Variants in CADM2 observed in about 807,000 individuals in gnomAD.
CADM2 encodes the protein cell adhesion molecule 2.
In CADM2, 12 loss-of-function variants were observed where a neutral mutation model predicts 49.8. The observed-to-expected ratio is 0.24, with a 90% CI of 0.15 to 0.39. CADM2 has a LOEUF of 0.39. Among genes scored for constraint, CADM2 ranks in the 10% least tolerant of loss-of-function variants. The pLI, the probability that CADM2 is intolerant of heterozygous loss-of-function variation, is 1.00. For missense variants in CADM2, 378 were observed against 492.3 expected (o/e 0.77, Z 2.20); for synonymous variants, 214 against 175.4 (o/e 1.22, Z -1.74).
chr3:85,284,712 A>C (rs1559758776), intron 1 of CADM2, among the ~76,000 whole-genome samples: 1 of 152,066 alleles, frequency 6.6e-6, no homozygotes, highest in South Asian at 2.1e-4. Context: ...TGAGGAAAAA[A>C]GGTAGGAATC....
rs188606572 is a variant in CADM2, at chr3:85,215,562, G to A, written c.61+255894G>A. Among the ~76,000 whole-genome samples, 661 of 151,946 alleles carry A rather than the reference G, an allele frequency of 4.4e-3. 4 individuals carry two copies. Among genetic ancestry groups the A allele is most frequent in the Middle Eastern group, 0.017 (5 of 294 alleles). On this transcript the variant is annotated intron_variant, in intron 1 of 9. Coordinates refer to ENST00000383699, the MANE Select transcript of CADM2 (RefSeq NM_001167675.2). The stretch of plus-strand genomic sequence containing the variant: ...TGGGGTTGGCGGAGAGGTAACACAA[G>A]CACTCCCTTAACCACCCAAGCTGGT...
chr3:84,995,884 T>A (rs1183859056), intron 1 of CADM2, among the ~76,000 whole-genome samples: 1 of 152,148 alleles, frequency 6.6e-6, no homozygotes. Flanking sequence ...CCTGATGGGA[T>A]TTCTGATATT....
chr3:85,413,004 G>C (rs1337170093), intron 1 of CADM2, among the ~76,000 whole-genome samples: 1 of 151,314 alleles, frequency 6.6e-6, no homozygotes, highest in Non-Finnish European at 1.5e-5. Flanking sequence ...AGCCAGGCGA[G>C]GTGGCGGGCG....
intron 1 of CADM2, among the ~76,000 whole-genome samples, chr3:85,247,461 G>A (rs1489729142): frequency 6.6e-6 from 1 of 152,120 alleles, no homozygotes; most frequent in Non-Finnish European, 1.5e-5. Context: ...AGGACTCTTA[G>A]AGTTTGTTCT....
In CADM2 at chr3:85,742,814, T is replaced by G. The variant is rs182784733; in HGVS notation, c.88+16266T>G. Among the ~76,000 whole-genome samples the G allele has an allele frequency of 2.8e-3, 419 of 152,310 alleles. 1 individual carries two copies. The highest frequency in any genetic ancestry group is 4.5e-3 in the Non-Finnish European group (303 of 68,022). On this transcript the variant is annotated intron_variant, in intron 2 of 9. Coordinates refer to ENST00000383699, the MANE Select transcript of CADM2 (RefSeq NM_001167675.2). Reference sequence around the variant, plus strand: ...CATCTCTAGGACACAAATAAAACTTTCCAGTGGAGCTTGCTGGAGCACTTC... The same window carrying G: ...CATCTCTAGGACACAAATAAAACTTGCCAGTGGAGCTTGCTGGAGCACTTC...
chr3:85,341,317 T>C (rs1388762102), intron 1 of CADM2, among the ~76,000 whole-genome samples: 1 of 151,906 alleles, frequency 6.6e-6, no homozygotes, highest in African/African-American at 2.4e-5. Flanking sequence ...TAAATGATAT[T>C]GTTAAACTTG....
intron 1 of CADM2, among the ~76,000 whole-genome samples, chr3:85,666,654 TAGAG>T (rs2065577671): frequency 6.6e-6 from 1 of 151,994 alleles, no homozygotes; most frequent in African/African-American, 2.4e-5. Flanking sequence ...GAGGGGAACT[TAGAG>T]AGGCCTGTTT....
At chr3:85,692,775 A>G (rs2066425396) in intron 1 of CADM2, among the ~76,000 whole-genome samples, 1 of 152,212 alleles carries the variant, frequency 6.6e-6, no homozygotes, top group Non-Finnish European at 1.5e-5. Context: ...TTTATCACAT[A>G]AGAAATATTT....
At chr3:85,021,966 C>T (rs1357434823) in intron 1 of CADM2, among the ~76,000 whole-genome samples, 1 of 152,126 alleles carries the variant, frequency 6.6e-6, no homozygotes, top group Non-Finnish European at 1.5e-5. Flanking sequence ...AATATGGCTC[C>T]TCATAGAGGA....
intron 2 of CADM2, among the ~76,000 whole-genome samples, chr3:85,745,828 G>A (rs1384260555): frequency 6.6e-6 from 1 of 152,042 alleles, no homozygotes; most frequent in East Asian, 2.0e-4. Flanking sequence ...CTTCTGAATC[G>A]TGTTGAATAT....
intron 6 of CADM2, among the ~76,000 whole-genome samples, chr3:85,921,436 A>G (rs1315624730): frequency 6.6e-6 from 1 of 151,956 alleles, no homozygotes; most frequent in Non-Finnish European, 1.5e-5. Flanking sequence ...ATTAGGAAAG[A>G]TTGTTATTGC....
At chr3:85,356,152 T>C (rs1040210780) in intron 1 of CADM2, among the ~76,000 whole-genome samples, 10 of 152,116 alleles carry the variant, frequency 6.6e-5, no homozygotes, top group Non-Finnish European at 1.2e-4. Flanking sequence ...GAGGTAGCTA[T>C]ACTATCAGAT....
chr3:86,056,223 A>T (rs561160523), intron 8 of CADM2, among the ~76,000 whole-genome samples: 1 of 152,292 alleles, frequency 6.6e-6, no homozygotes, highest in Non-Finnish European at 1.5e-5. Flanking sequence ...TAATAGCTGC[A>T]CTGCTCTGCT....
intron 1 of CADM2, among the ~76,000 whole-genome samples, chr3:85,360,793 A>T: frequency 6.6e-6 from 1 of 152,174 alleles, no homozygotes; most frequent in South Asian, 2.1e-4. Flanking sequence ...GTTGTTACAA[A>T]CTGGTGTTCT....
chr3:85,327,591 A>ACACAC (rs1553709202), intron 1 of CADM2, among the ~76,000 whole-genome samples: 6,342 of 126,862 alleles, frequency 0.05, 151 homozygotes, highest in East Asian at 0.07. Context: ...CACACACACC[A>ACACAC]CACACACACA....
intron 1 of CADM2, among the ~76,000 whole-genome samples, chr3:85,678,893 C>T (rs75183269): frequency 0.14 from 21,626 of 151,960 alleles, 1,650 homozygotes; most frequent in African/African-American, 0.16. Flanking sequence ...TCCTGGCATC[C>T]GTTAGATAGA....
intron 1 of CADM2, among the ~76,000 whole-genome samples, chr3:85,236,883 G>A (rs1321333301): frequency 6.6e-6 from 1 of 152,052 alleles, no homozygotes; most frequent in Non-Finnish European, 1.5e-5. Context: ...CTTGTCTTAG[G>A]AGGTGAACTT....
chr3:85,019,808 G>C (rs1337961089), intron 1 of CADM2, among the ~76,000 whole-genome samples: 1 of 152,152 alleles, frequency 6.6e-6, no homozygotes, highest in Non-Finnish European at 1.5e-5. Flanking sequence ...ACAGTGTTGT[G>C]AAGCAGGGAA....
chr3:86,021,180 A>G (rs1192075263), intron 8 of CADM2, among the ~76,000 whole-genome samples: 1 of 152,044 alleles, frequency 6.6e-6, no homozygotes, highest in East Asian at 1.9e-4. Flanking sequence ...TTGTATTTTT[A>G]GTAGAGATGA....
Sources: allele counts gnomAD v4.1 joint callset (sites outside exome capture counted in the v4.1 genomes callset), GRCh38; gene constraint gnomAD v4.1.1; transcripts MANE v1.5; gene names NCBI Gene and HGNC (gene_info 2026-07-23, HGNC 2026-07-21).